The following KCTD8 variants were observed in gnomAD, a reference collection of about 807,000 sequenced individuals.
KCTD8 encodes BTB/POZ domain-containing protein KCTD8.
A neutral mutation model predicts 31.5 loss-of-function variants in KCTD8; 27 were observed. The ratio of observed to expected loss-of-function variants is 0.86; its 90% CI spans 0.63 to 1.18. The LOEUF (loss-of-function observed/expected upper bound fraction) is 1.18, where lower values mean the gene tolerates loss of function less well. Ranked by LOEUF, KCTD8 falls within the 50% of genes most tolerant of loss-of-function variation. The pLI, the probability that KCTD8 is intolerant of heterozygous loss-of-function variation, is 0.00. For missense variants in KCTD8, 658 were observed against 647.7 expected, an observed-to-expected ratio of 1.02 and a Z score of -0.17; for synonymous variants, 290 against 280.0, an observed-to-expected ratio of 1.04 and a Z score of -0.36.
intron 1 of KCTD8, among the ~76,000 whole-genome samples, chr4:44,194,353 TA>T (rs1296939965): frequency 6.6e-6 from 1 of 152,108 alleles, no homozygotes; most frequent in Non-Finnish European, 1.5e-5. Context: ...AGATTAAAAG[TA>T]AAAGATCATG....
At chr4:44,252,518 C>T (rs1715871937) in intron 1 of KCTD8, among the ~76,000 whole-genome samples, 1 of 151,724 alleles carries the variant, frequency 6.6e-6, no homozygotes. Flanking sequence ...TCCAGGCCAA[C>T]ATCTGTTATT....
At chr4:44,325,469 T>C (rs2109408959) in intron 1 of KCTD8, among the ~76,000 whole-genome samples, 2 of 151,994 alleles carry the variant, frequency 1.3e-5, no homozygotes, top group East Asian at 1.9e-4. Flanking sequence ...TAAATAGGCA[T>C]ATGAAATTTT....
intron 1 of KCTD8, among the ~76,000 whole-genome samples, chr4:44,267,414 T>C (rs1387269111): frequency 2.0e-5 from 3 of 152,330 alleles, no homozygotes; most frequent in African/African-American, 4.8e-5. Context: ...GGGAAATTTA[T>C]AGCACTAAAT....
intron 1 of KCTD8, among the ~76,000 whole-genome samples, chr4:44,189,358 T>C (rs111685705): frequency 1.6e-3 from 237 of 150,750 alleles, no homozygotes; most frequent in African/African-American, 5.4e-3. Flanking sequence ...AGGTCCTTAA[T>C]ATTTTGGAAA....
intron 1 of KCTD8, among the ~76,000 whole-genome samples, chr4:44,273,350 G>T (rs141232673): frequency 6.6e-6 from 1 of 151,818 alleles, no homozygotes; most frequent in African/African-American, 2.4e-5. Context: ...ATATGTGTAC[G>T]TATGTCATAT....
chr4:44,309,683 A>G (rs1396157093), intron 1 of KCTD8, among the ~76,000 whole-genome samples: 1 of 152,132 alleles, frequency 6.6e-6, no homozygotes, highest in Non-Finnish European at 1.5e-5. Flanking sequence ...AATTTAGAAT[A>G]CATTAGAGAG....
At chr4:44,406,407 T>C (rs921328409) in intron 1 of KCTD8, among the ~76,000 whole-genome samples, 2 of 152,160 alleles carry the variant, frequency 1.3e-5, no homozygotes, top group Non-Finnish European at 2.9e-5. Context: ...GGGAGATAAT[T>C]TGATTCATGG....
intron 1 of KCTD8, among the ~76,000 whole-genome samples, chr4:44,245,300 A>G (rs1715624715): frequency 6.6e-6 from 1 of 151,262 alleles, no homozygotes. Context: ...TATTAGCCAG[A>G]GCACTAAGAC....
At chr4:44,224,811 T>G (rs370892130) in intron 1 of KCTD8, among the ~76,000 whole-genome samples, 1 of 152,146 alleles carries the variant, frequency 6.6e-6, no homozygotes, top group South Asian at 2.1e-4. Context: ...TTCACAGTCA[T>G]TCAGGACTAC....
intron 1 of KCTD8, among the ~76,000 whole-genome samples, chr4:44,382,258 T>C (rs1255400940): frequency 2.6e-5 from 4 of 151,956 alleles, no homozygotes. Context: ...AACCATATGA[T>C]CATCTCAATA....
rs192353696 is a variant in KCTD8, at chr4:44,438,374, T to C, written c.961+9189A>G. Among the ~76,000 whole-genome samples, 45 of 152,342 alleles carry C rather than the reference T, an allele frequency of 3.0e-4. No individual in the cohort carries two copies. In the Middle Eastern group the frequency reaches 0.01, roughly 35 times the overall value. On this transcript the variant is annotated intron_variant, in intron 1 of 1. Transcript: ENST00000360029. ...GCCCATCTGGCTCTGTGACAATTTG[T>C]CATTTTGCATAAAACTGTTGAAACT...
chr4:44,186,893 A>T (rs1464615515), intron 1 of KCTD8, among the ~76,000 whole-genome samples: 1 of 152,258 alleles, frequency 6.6e-6, no homozygotes, highest in Admixed American at 6.5e-5. Flanking sequence ...TTGTCTAAGC[A>T]CACAGGGGAT....
intron 1 of KCTD8, among the ~76,000 whole-genome samples, chr4:44,282,427 G>T (rs541021152): frequency 6.6e-6 from 1 of 152,076 alleles, no homozygotes; most frequent in African/African-American, 2.4e-5. Flanking sequence ...CTCCCCATGA[G>T]CCTCCCCATT....
At chr4:44,429,493 G>A (rs1577668646) in intron 1 of KCTD8, among the ~76,000 whole-genome samples, 1 of 151,852 alleles carries the variant, frequency 6.6e-6, no homozygotes, top group Non-Finnish European at 1.5e-5. Context: ...TTGGAGGCAT[G>A]CTGAGGACAA....
intron 1 of KCTD8, among the ~76,000 whole-genome samples, chr4:44,186,103 C>G (rs1713579020): frequency 6.6e-6 from 1 of 152,158 alleles, no homozygotes; most frequent in African/African-American, 2.4e-5. Flanking sequence ...ATAAAAACCC[C>G]AAGACCCTAG....
intron 1 of KCTD8, among the ~76,000 whole-genome samples, chr4:44,408,577 G>A (rs1291138934): frequency 6.6e-6 from 1 of 152,248 alleles, no homozygotes; most frequent in East Asian, 1.9e-4. Context: ...CAATTCAAAA[G>A]GTCCTGAATA....
At chr4:44,237,792 G>A (rs1560402796) in intron 1 of KCTD8, among the ~76,000 whole-genome samples, 1 of 152,170 alleles carries the variant, frequency 6.6e-6, no homozygotes, top group Non-Finnish European at 1.5e-5. Context: ...GGTTTGAGGA[G>A]GCACATCATA....
chr4:44,220,167 A>C (rs1248862967), intron 1 of KCTD8, among the ~76,000 whole-genome samples: 1 of 152,174 alleles, frequency 6.6e-6, no homozygotes, highest in Non-Finnish European at 1.5e-5. Flanking sequence ...AGGTCTACAG[A>C]AAAATGGGAT....
chr4:44,229,174 T>C (rs943816275), intron 1 of KCTD8, among the ~76,000 whole-genome samples: 1 of 152,164 alleles, frequency 6.6e-6, no homozygotes, highest in Non-Finnish European at 1.5e-5. Flanking sequence ...TTCAGGTAGC[T>C]AGGCAGGCAT....
Sources: gnomAD v4.1 joint callset for allele counts (sites outside exome capture counted in the v4.1 genomes callset) on GRCh38, gnomAD v4.1.1 for gene constraint, MANE v1.5 for transcripts, NCBI Gene and HGNC (gene_info 2026-07-23, HGNC 2026-07-21) for gene names.